Variants in ARHGAP15 observed in about 807,000 individuals in gnomAD.
ARHGAP15 encodes rho GTPase-activating protein 15.
In ARHGAP15, 51 loss-of-function variants were observed where a neutral mutation model predicts 63.7. The ratio of observed to expected loss-of-function variants is 0.80; its 90% confidence interval spans 0.64 to 1.01. The LOEUF (loss-of-function observed/expected upper bound fraction) is 1.01. ARHGAP15 is among the 50% of genes least tolerant of loss of function. The probability of loss-of-function intolerance (pLI) is 0.00; values close to 1 mark genes in which losing one functional copy is unlikely to be tolerated. For missense variants in ARHGAP15, 560 were observed against 564.6 expected (o/e 0.99, Z 0.08); for synonymous variants, 191 against 193.8 (o/e 0.99, Z 0.12).
At chr2:143,588,656 G>A (rs1227917414) in intron 11 of ARHGAP15, among the ~76,000 whole-genome samples, 9 of 152,274 alleles carry the variant, frequency 5.9e-5, no homozygotes, top group East Asian at 1.9e-4. Context: ...TGCAAAGAAC[G>A]TGATCTCATT....
chr2:143,504,093 G>C (rs921657901), intron 9 of ARHGAP15, among the ~76,000 whole-genome samples: 1 of 152,114 alleles, frequency 6.6e-6, no homozygotes, highest in Admixed American at 6.5e-5. Context: ...AAATGGGTGA[G>C]ACATTTGAGG....
intron 12 of ARHGAP15, among the ~76,000 whole-genome samples, chr2:143,663,902 A>T (rs1393868833): frequency 6.6e-6 from 1 of 152,186 alleles, no homozygotes; most frequent in Non-Finnish European, 1.5e-5. Context: ...GAGCACCCAG[A>T]TTCATAAAGC....
chr2:143,272,845 A>G (rs1335534458), intron 6 of ARHGAP15, among the ~76,000 whole-genome samples: 1 of 152,202 alleles, frequency 6.6e-6, no homozygotes, highest in Non-Finnish European at 1.5e-5. Context: ...TCAAATAGGT[A>G]CTTGACCACC....
intron 10 of ARHGAP15, among the ~76,000 whole-genome samples, chr2:143,523,422 G>A (rs1287608307): frequency 6.6e-6 from 1 of 152,040 alleles, no homozygotes; most frequent in Non-Finnish European, 1.5e-5. Context: ...AAGACCAGGA[G>A]ACATTTAATT....
At chr2:143,252,268 A>G (rs372334468) in intron 6 of ARHGAP15, among the ~76,000 whole-genome samples, 1 of 152,180 alleles carries the variant, frequency 6.6e-6, no homozygotes, top group Non-Finnish European at 1.5e-5. Flanking sequence ...ATATTTTTAT[A>G]TAACTATGAA....
At chr2:143,519,498 G>C in intron 10 of ARHGAP15, 134 bp downstream of exon 10, 1 of 565,992 alleles carries the variant, frequency 1.8e-6, no homozygotes, top group Non-Finnish European at 3.1e-6. Context: ...TCGGTTAAGA[G>C]GATCATCTTT....
chr2:143,370,954 C>T (rs906983375), intron 6 of ARHGAP15, among the ~76,000 whole-genome samples: 4 of 152,130 alleles, frequency 2.6e-5, no homozygotes, highest in Non-Finnish European at 5.9e-5. Context: ...TCCTTTGAGA[C>T]CACTTGGACC....
At chr2:143,705,264 G>GA (rs1398063642) in intron 13 of ARHGAP15, among the ~76,000 whole-genome samples, 2 of 152,110 alleles carry the variant, frequency 1.3e-5, no homozygotes, top group African/African-American at 4.8e-5. Flanking sequence ...TTAAAGTTCA[G>GA]AAAATCTCTT....
chr2:143,434,090 G>A (rs927658295), intron 6 of ARHGAP15, among the ~76,000 whole-genome samples: 1 of 152,034 alleles, frequency 6.6e-6, no homozygotes. Flanking sequence ...ACATAAAATA[G>A]GAGGCTGTTT....
intron 6 of ARHGAP15, among the ~76,000 whole-genome samples, chr2:143,319,165 C>CT (rs1683876862): frequency 6.7e-6 from 1 of 150,300 alleles, no homozygotes; most frequent in African/African-American, 2.4e-5. Flanking sequence ...AGCTCCATTT[C>CT]TTTTTCTATC....
At chr2:143,730,140 G>C (rs1212472031) in intron 13 of ARHGAP15, among the ~76,000 whole-genome samples, 1 of 152,186 alleles carries the variant, frequency 6.6e-6, no homozygotes, top group Non-Finnish European at 1.5e-5. Context: ...AGATATAAAA[G>C]GGTTTGTTAG....
chr2:143,142,435 C>T (rs1403444633), intron 1 of ARHGAP15, among the ~76,000 whole-genome samples: 2 of 152,048 alleles, frequency 1.3e-5, no homozygotes, highest in Admixed American at 1.3e-4. Flanking sequence ...TGACTGGGCT[C>T]ATTTTCCTAA....
chr2:143,163,857 G>A (rs1484002496), intron 2 of ARHGAP15, among the ~76,000 whole-genome samples: 5 of 151,984 alleles, frequency 3.3e-5, no homozygotes, highest in African/African-American at 1.2e-4. Flanking sequence ...TGACACCTTC[G>A]AAGGCAAGCC....
At chr2:143,741,809 T>A (rs1465037922) in intron 13 of ARHGAP15, among the ~76,000 whole-genome samples, 1 of 152,212 alleles carries the variant, frequency 6.6e-6, no homozygotes, top group African/African-American at 2.4e-5. Flanking sequence ...TATGCAGAAA[T>A]GCCGGAGCAT....
chr2:143,542,896 T>C (rs564669715), intron 10 of ARHGAP15, among the ~76,000 whole-genome samples: 154 of 146,906 alleles, frequency 1.0e-3, no homozygotes, highest in African/African-American at 3.6e-3. Context: ...ATGTATATCA[T>C]ATATAATAAC....
chr2:143,668,280 CTTTTT>C (rs60232406), intron 12 of ARHGAP15, among the ~76,000 whole-genome samples: 2 of 145,702 alleles, frequency 1.4e-5, no homozygotes, highest in African/African-American at 2.5e-5. Flanking sequence ...ATTCTATTTT[CTTTTT>C]TTTTTTTTCT....
intron 6 of ARHGAP15, among the ~76,000 whole-genome samples, chr2:143,278,836 G>A (rs1226382275): frequency 2.7e-5 from 4 of 149,618 alleles, no homozygotes; most frequent in African/African-American, 9.8e-5. Flanking sequence ...TTTGTTCTTT[G>A]TACCTAGCTA....
At chr2:143,419,722 A>G (rs547197877) in intron 6 of ARHGAP15, among the ~76,000 whole-genome samples, 2 of 152,224 alleles carry the variant, frequency 1.3e-5, no homozygotes, top group African/African-American at 4.8e-5. Context: ...AATACATTAA[A>G]TACTAAGAGG....
chr2:143,523,898 A>G (rs1310070814), intron 10 of ARHGAP15, among the ~76,000 whole-genome samples: 1 of 152,174 alleles, frequency 6.6e-6, no homozygotes, highest in Non-Finnish European at 1.5e-5. Context: ...ATTGTATGTC[A>G]TATGCTTTTG....
Sources: gnomAD v4.1 joint callset for allele counts (sites outside exome capture counted in the v4.1 genomes callset) on GRCh38, gnomAD v4.1.1 for gene constraint, MANE v1.5 for transcripts, NCBI Gene and HGNC (gene_info 2026-07-23, HGNC 2026-07-21) for gene names.